Variants in GRXCR2 observed in about 807,000 individuals in gnomAD.
GRXCR2 encodes glutaredoxin domain-containing cysteine-rich protein 2.
Under a neutral mutation model 24.8 loss-of-function variants are expected in GRXCR2, and 23 were observed. That is an observed-to-expected ratio of 0.93 (90% CI 0.67 to 1.32). The LOEUF (loss-of-function observed/expected upper bound fraction) is 1.32. Ranked by LOEUF, GRXCR2 falls within the 40% of genes most tolerant of loss-of-function variation. GRXCR2 has a pLI of 0.00. For missense variants in GRXCR2, 315 were observed against 303.4 expected, an observed-to-expected ratio of 1.04 and a Z score of -0.28; for synonymous variants, 130 against 116.1, an observed-to-expected ratio of 1.12 and a Z score of -0.77.
At chr5:145,867,397 T>TC (rs1048371492) in intron 1 of GRXCR2, among the ~76,000 whole-genome samples, 13 of 151,976 alleles carry the variant, frequency 8.6e-5, no homozygotes, top group Non-Finnish European at 1.6e-4. Context: ...TAAAAGTATT[T>TC]CCCCCCCAAA....
intron 2 of GRXCR2, among the ~76,000 whole-genome samples, chr5:145,879,370 C>CA (rs144743619): frequency 0.079 from 7,895 of 99,438 alleles, 490 homozygotes; most frequent in Admixed American, 0.22. Flanking sequence ...AAATGCACAG[C>CA]AAAAAAAAAA....
At chr5:145,913,727 C>T (rs1341130074) in intron 2 of GRXCR2, among the ~76,000 whole-genome samples, 2 of 152,160 alleles carry the variant, frequency 1.3e-5, no homozygotes, top group South Asian at 2.1e-4. Context: ...TTCATCATGT[C>T]GCCCAGGCTG....
chr5:145,926,442 A>G (rs1757395659), intron 2 of GRXCR2, among the ~76,000 whole-genome samples: 1 of 152,238 alleles, frequency 6.6e-6, no homozygotes, highest in African/African-American at 2.4e-5. Context: ...AGCTTTCTAC[A>G]TATGGCTAGC....
At chr5:145,861,120 TTTC>T (rs1756329965) in intron 2 of GRXCR2, among the ~76,000 whole-genome samples, 1 of 151,982 alleles carries the variant, frequency 6.6e-6, no homozygotes, top group African/African-American at 2.4e-5. Context: ...TCCATCCTGC[TTTC>T]TTCATCCCAC....
At chr5:145,920,355 A>G (rs1757305838) in intron 2 of GRXCR2, among the ~76,000 whole-genome samples, 2 of 152,196 alleles carry the variant, frequency 1.3e-5, no homozygotes, top group Admixed American at 1.3e-4. Context: ...GGGCCCAGCA[A>G]TCTGTGTCTT....
At chr5:145,924,568 T>C (rs1446168843) in intron 2 of GRXCR2, among the ~76,000 whole-genome samples, 2 of 152,208 alleles carry the variant, frequency 1.3e-5, no homozygotes, top group African/African-American at 4.8e-5. Context: ...AAGACCAAAG[T>C]TGCAATAAAG....
At chr5:145,929,199 C>CATATATATATATATATATATA (rs373040257) in intron 2 of GRXCR2, among the ~76,000 whole-genome samples, 4 of 116,506 alleles carry the variant, frequency 3.4e-5, no homozygotes, top group African/African-American at 9.5e-5. Flanking sequence ...ATATTCCCCC[C>CATATATATATATATATATATA]TATATATATA....
At chr5:145,897,262 C>T (rs898504289) in intron 2 of GRXCR2, among the ~76,000 whole-genome samples, 1 of 150,744 alleles carries the variant, frequency 6.6e-6, no homozygotes, top group Non-Finnish European at 1.5e-5. Context: ...TACATACATA[C>T]ATACATACAT....
intron 2 of GRXCR2, among the ~76,000 whole-genome samples, chr5:145,881,045 T>C (rs1249493384): frequency 1.3e-5 from 2 of 152,176 alleles, no homozygotes; most frequent in African/African-American, 4.8e-5. Context: ...TAATAAGAGC[T>C]ATTTATGACA....
intron 2 of GRXCR2, among the ~76,000 whole-genome samples, chr5:145,902,450 T>C (rs1276530781): frequency 6.6e-6 from 1 of 152,160 alleles, no homozygotes; most frequent in African/African-American, 2.4e-5. Flanking sequence ...CTGGGTTTTC[T>C]CTACTATGAC....
Position 145,908,840 on chromosome 5 carries a change from G to A in GRXCR2, c.-70+26861C>T, listed in dbSNP as rs150546444. Among the ~76,000 whole-genome samples, 17 of 152,268 alleles carry A rather than the reference G, an allele frequency of 1.1e-4. 1 individual carries two copies. The highest frequency in any genetic ancestry group is 3.1e-4 in the African/African-American group (13 of 41,558). ...GGGAGGTAGAAGAAAGGCAATGTAC[G>A]TAGTAATGACAGAGCTAAAAGCATT... On this transcript the variant is annotated intron_variant, in intron 2 of 3. Transcript: ENST00000639411.
intron 2 of GRXCR2, among the ~76,000 whole-genome samples, chr5:145,907,581 G>A (rs1002413829): frequency 1.3e-5 from 2 of 151,912 alleles, no homozygotes; most frequent in South Asian, 2.1e-4. Flanking sequence ...CTGCCACATC[G>A]AGTATAAAGA....
chr5:145,863,911 C>G lies in GRXCR2; in HGVS notation c.564+2590G>C, dbSNP rs182055090. ...TCCACAAACAGTTAACTAATATTCA[C>G]TGATTACCTGTTATATGCCAGGCTG... On this transcript the variant is annotated intron_variant, in intron 2 of 2. Coordinates refer to ENST00000377976, the MANE Select transcript of GRXCR2 (RefSeq NM_001080516.2). 1.0e-3 allele frequency among the ~76,000 whole-genome samples: 157 copies of G among 152,328 alleles called. 1 individual carries two copies. Among genetic ancestry groups the G allele is most frequent in the Admixed American group, 8.1e-3 (124 of 15,304 alleles).
intron 2 of GRXCR2, among the ~76,000 whole-genome samples, chr5:145,901,175 T>C (rs1227626304): frequency 6.6e-6 from 1 of 151,052 alleles, no homozygotes; most frequent in Non-Finnish European, 1.5e-5. Context: ...GGGGCAAGAG[T>C]TGAAAAAATA....
At chr5:145,866,387 A>T (rs1756435616) in intron 2 of GRXCR2, 114 bp downstream of exon 2, 1 of 663,790 alleles carries the variant, frequency 1.5e-6, no homozygotes, top group Non-Finnish European at 2.7e-6. Context: ...AAGTTTAGGT[A>T]TCTTAAGTAT....
intron 2 of GRXCR2, among the ~76,000 whole-genome samples, chr5:145,908,106 T>C (rs374401339): frequency 1.3e-5 from 2 of 152,190 alleles, no homozygotes; most frequent in African/African-American, 4.8e-5. Context: ...CAATGTCATG[T>C]CTTCTTTGTC....
chr5:145,911,709 GTTCAGAAGGGACACATAGAATGTA>G (rs1757169354), intron 2 of GRXCR2, among the ~76,000 whole-genome samples: 2 of 152,054 alleles, frequency 1.3e-5, no homozygotes, highest in Admixed American at 6.5e-5. Context: ...CCTTTAATTC[GTTCAGAAGGGACACATAGAATGTA>G]TTCTACTCCT....
intron 2 of GRXCR2, among the ~76,000 whole-genome samples, chr5:145,931,237 G>T (rs762710845): frequency 4.5e-4 from 69 of 151,978 alleles, no homozygotes; most frequent in Non-Finnish European, 1.0e-4. Context: ...TTGCCATGTT[G>T]CCCAGGCTGG....
intron 1 of GRXCR2, among the ~76,000 whole-genome samples, chr5:145,868,510 T>C (rs1054161190): frequency 3.9e-5 from 6 of 152,188 alleles, no homozygotes; most frequent in Admixed American, 6.5e-5. Flanking sequence ...CCATTTCCTA[T>C]TGTTTTATGC....
Sources: gnomAD v4.1 joint callset for allele counts (sites outside exome capture counted in the v4.1 genomes callset) on GRCh38, gnomAD v4.1.1 for gene constraint, MANE v1.5 for transcripts, NCBI Gene and HGNC (gene_info 2026-07-23, HGNC 2026-07-21) for gene names.